SGCD: variants seen among roughly 807,000 people sequenced by gnomAD.
SGCD encodes the protein delta-sarcoglycan.
In SGCD, 18 loss-of-function variants were observed where a neutral mutation model predicts 36.6. The observed-to-expected ratio is 0.49, with a 90% confidence interval of 0.34 to 0.73. SGCD has a LOEUF of 0.73. Ranked by LOEUF, SGCD falls within the 30% of genes least tolerant of loss-of-function variation. The pLI is 0.01. For missense variants in SGCD, 387 were observed against 346.7 expected, an observed-to-expected ratio of 1.12 and a Z score of -0.92; for synonymous variants, 133 against 130.6, an observed-to-expected ratio of 1.02 and a Z score of -0.12.
the SGCD span, among the ~76,000 whole-genome samples, chr5:155,820,661 C>A: frequency 6.6e-6 from 1 of 152,058 alleles, no homozygotes. Flanking sequence ...TGTGGCTCTG[C>A]ACTTCAGCCT....
intron 3 of SGCD, among the ~76,000 whole-genome samples, chr5:156,179,824 A>G (rs1763560702): frequency 6.6e-6 from 1 of 151,998 alleles, no homozygotes; most frequent in South Asian, 2.1e-4. Context: ...GGGTTTCATC[A>G]TGTTGCCCAG....
intron 1 of SGCD, among the ~76,000 whole-genome samples, chr5:155,914,577 A>G (rs918522758): frequency 6.6e-6 from 1 of 152,222 alleles, no homozygotes; most frequent in African/African-American, 2.4e-5. Context: ...AACAATGAAC[A>G]TGATAATTCA....
intron 1 of SGCD, among the ~76,000 whole-genome samples, chr5:156,028,295 C>A (rs897142389): frequency 1.3e-5 from 2 of 152,072 alleles, no homozygotes; most frequent in Admixed American, 1.3e-4. Flanking sequence ...TTTCTAAAAT[C>A]ATCTGGTTTT....
At chr5:155,908,451 T>C (rs963212992) in intron 1 of SGCD, among the ~76,000 whole-genome samples, 10 of 152,172 alleles carry the variant, frequency 6.6e-5, no homozygotes, top group Non-Finnish European at 1.3e-4. Flanking sequence ...ATAAAGGTTA[T>C]TTCACTTAGT....
intron 3 of SGCD, among the ~76,000 whole-genome samples, chr5:156,244,543 A>G (rs1765393781): frequency 6.6e-6 from 1 of 152,164 alleles, no homozygotes; most frequent in Admixed American, 6.5e-5. Context: ...TTTAGTATTG[A>G]ATGGTTTTAC....
the SGCD span, among the ~76,000 whole-genome samples, chr5:155,733,428 T>G: frequency 6.6e-6 from 1 of 152,226 alleles, no homozygotes; most frequent in Non-Finnish European, 1.5e-5. Flanking sequence ...TTTTGTCATC[T>G]TTCCCTTTTC....
chr5:156,337,267 A>G (rs1768402644), intron 2 of SGCD, among the ~76,000 whole-genome samples: 1 of 152,176 alleles, frequency 6.6e-6, no homozygotes. Context: ...ACTGGTTACA[A>G]TCTCATAGTT....
At chr5:156,348,290 C>G (rs1504944) in intron 3 of SGCD, among the ~76,000 whole-genome samples, 61,689 of 151,844 alleles carry the variant, frequency 0.41, 13,393 homozygotes, top group East Asian at 0.79. Flanking sequence ...AAAGGGCATC[C>G]AAATTGGGAA....
intron 3 of SGCD, among the ~76,000 whole-genome samples, chr5:156,206,742 A>C (rs1764289818): frequency 6.6e-6 from 1 of 151,926 alleles, no homozygotes; most frequent in African/African-American, 2.4e-5. Flanking sequence ...TTTTTCATTC[A>C]AGGAAGGGCT....
chr5:156,451,346 C>T (rs1294357396), intron 3 of SGCD, among the ~76,000 whole-genome samples: 1 of 152,100 alleles, frequency 6.6e-6, no homozygotes, highest in Non-Finnish European at 1.5e-5. Context: ...TAGATTTCAA[C>T]AAGCAGGAAG....
intron 3 of SGCD, among the ~76,000 whole-genome samples, chr5:156,124,270 A>G (rs1354261332): frequency 6.6e-6 from 1 of 152,192 alleles, no homozygotes; most frequent in African/African-American, 2.4e-5. Context: ...TCAGAGGGCA[A>G]AGACAAAGCA....
Position 155,950,317 on chromosome 5 carries a change from AAG to A in SGCD, c.-282+79898_-282+79899del, listed in dbSNP as rs1418340656. ...CATACCACCTAGCCTAGAAATAGTC[AAG>A]AGAGTCTCTGTCTTGCCTTCACAAA... On this transcript the variant is annotated intron_variant, in intron 1 of 9. Transcript: ENST00000517913. Among the ~76,000 whole-genome samples, 7 of 152,300 alleles carry A rather than the reference AAG, an allele frequency of 4.6e-5. No individual in the cohort carries two copies. In the South Asian group the frequency reaches 1.4e-3, roughly 32 times the overall value.
intron 3 of SGCD, among the ~76,000 whole-genome samples, chr5:156,183,662 C>A (rs915738840): frequency 1.3e-5 from 2 of 152,194 alleles, no homozygotes; most frequent in African/African-American, 4.8e-5. Flanking sequence ...CCCACCTTGG[C>A]TCCCAAACTG....
chr5:156,107,774 G>A (rs761153803), intron 1 of SGCD, among the ~76,000 whole-genome samples: 2 of 151,950 alleles, frequency 1.3e-5, no homozygotes, highest in Non-Finnish European at 2.9e-5. Flanking sequence ...ATAGATTTAT[G>A]TCTACTAATG....
At chr5:156,703,020 T>A (rs1032061115) in intron 7 of SGCD, among the ~76,000 whole-genome samples, 1 of 152,208 alleles carries the variant, frequency 6.6e-6, no homozygotes, top group African/African-American at 2.4e-5. Flanking sequence ...CACTGCATTT[T>A]TAGGCATCCA....
intron 3 of SGCD, among the ~76,000 whole-genome samples, chr5:156,312,549 T>G (rs898370431): frequency 1.3e-5 from 2 of 152,188 alleles, no homozygotes; most frequent in African/African-American, 4.8e-5. Context: ...TATTCATTAA[T>G]AGCAATGAGA....
At position 156,690,049 on chromosome 5, in the gene SGCD, G is replaced by A. The variant is rs192129364; in HGVS notation, c.575+42513G>A. Among the ~76,000 whole-genome samples, 32 of 152,212 alleles carry A rather than the reference G, an allele frequency of 2.1e-4. No homozygotes were observed. The East Asian group carries it at 2.9e-3, about 14-fold the overall frequency. ...ATAATTTTTATGTTCAAAATATGCCGTTGCTATTTAAACACATATTTAAAA... is the reference window on the plus strand; with the variant it reads ...ATAATTTTTATGTTCAAAATATGCCATTGCTATTTAAACACATATTTAAAA... On this transcript the variant is annotated intron_variant, in intron 7 of 8. Coordinates refer to ENST00000337851, the MANE Select transcript of SGCD (RefSeq NM_000337.6).
In SGCD at chr5:156,518,354, C is replaced by A. The variant is rs190655545; in HGVS notation, c.294+9652C>A. On this transcript the variant is annotated intron_variant, in intron 4 of 8. Transcript: ENST00000337851. Reference sequence around the variant, plus strand: ...ATTCATAAAACAAGTTCTTAGAGACCTACAAAGAGACTTAGACTCCCACAC... The same window carrying A: ...ATTCATAAAACAAGTTCTTAGAGACATACAAAGAGACTTAGACTCCCACAC... 4.5e-3 allele frequency among the ~76,000 whole-genome samples: 685 copies of A among 152,218 alleles called. 4 individuals are homozygous for A. The highest frequency in any genetic ancestry group is 0.014 in the African/African-American group (570 of 41,548).
chr5:156,288,995 A>G (rs1018383024), intron 3 of SGCD, among the ~76,000 whole-genome samples: 1 of 152,160 alleles, frequency 6.6e-6, no homozygotes, highest in African/African-American at 2.4e-5. Flanking sequence ...AAATTATTTG[A>G]TTAAATTTCA....
Sources: allele counts gnomAD v4.1 joint callset (sites outside exome capture counted in the v4.1 genomes callset), GRCh38; gene constraint gnomAD v4.1.1; transcripts MANE v1.5; gene names NCBI Gene and HGNC (gene_info 2026-07-23, HGNC 2026-07-21).